The following STK39 variants were observed in gnomAD, a reference collection of about 807,000 sequenced individuals.
STK39 encodes the protein STE20/SPS1-related proline-alanine-rich protein kinase.
Under a neutral mutation model 77.8 loss-of-function variants are expected in STK39, and 20 were observed. That is an observed-to-expected ratio of 0.26 (90% CI 0.18 to 0.37). The LOEUF (loss-of-function observed/expected upper bound fraction) is 0.37, where lower values mean the gene tolerates loss of function less well. STK39 is among the 10% of genes least tolerant of loss of function. STK39 has a pLI of 1.00. For missense variants in STK39, 479 were observed against 656.5 expected (o/e 0.73, Z 2.95); for synonymous variants, 246 against 234.1 (o/e 1.05, Z -0.47).
intron 14 of STK39, among the ~76,000 whole-genome samples, chr2:168,038,786 A>G (rs539128678): frequency 1.3e-5 from 2 of 152,338 alleles, no homozygotes; most frequent in East Asian, 3.9e-4. Flanking sequence ...TGGCTAAGAA[A>G]CACATGAGAA....
chr2:167,995,400 G>A (rs1159970666), intron 16 of STK39, among the ~76,000 whole-genome samples: 3 of 152,078 alleles, frequency 2.0e-5, no homozygotes, highest in African/African-American at 7.2e-5. Flanking sequence ...GAGCCCCCGC[G>A]CCCAGCCAAA....
chr2:167,981,937 G>A (rs1038088828), intron 16 of STK39, among the ~76,000 whole-genome samples: 1 of 152,152 alleles, frequency 6.6e-6, no homozygotes, highest in African/African-American at 2.4e-5. Context: ...GCAGCTAACT[G>A]TTTCTAGTTA....
intron 10 of STK39, among the ~76,000 whole-genome samples, chr2:168,095,133 G>A (rs780321499): frequency 1.8e-4 from 27 of 152,008 alleles, no homozygotes; most frequent in Non-Finnish European, 3.2e-4. Context: ...CCTTCAAACT[G>A]TCCTCTACTG....
rs781033083 is a variant in STK39 at position 168,138,259 on chromosome 2, T to C, written c.841-38A>G. On this transcript the variant is annotated intron_variant, in intron 7 of 17. Transcript: ENST00000355999. ...CAAACATGAAGACAGAATCTCAGTA[T>C]AGCAATTGCTACAATCTAGTTTTGA... The C allele has an allele frequency of 1.2e-5, 19 of 1,585,232 alleles. No individual in the cohort carries two copies. The East Asian group carries it at 2.3e-4, about 19-fold the overall frequency.
rs144567617 is a variant in STK39, at chr2:168,035,333, A to G, written c.1377-18238T>C. Among the ~76,000 whole-genome samples, 308 of 152,348 alleles carry G rather than the reference A, an allele frequency of 2.0e-3. 1 individual carries two copies. The highest frequency in any genetic ancestry group is 6.8e-3 in the African/African-American group (284 of 41,584). ...ATTTTAGAATAATAATTAAAAACAA[A>G]TATATAGCTACTACTTCAATTCTAA... On this transcript the variant is annotated intron_variant, in intron 14 of 17. Transcript: ENST00000355999.
chr2:168,110,438 A>C (rs1054882914), intron 10 of STK39, among the ~76,000 whole-genome samples: 4 of 151,970 alleles, frequency 2.6e-5, no homozygotes, highest in East Asian at 3.9e-4. Flanking sequence ...CGGTCTCGCT[A>C]TGTTGCCCAG....
intron 10 of STK39, among the ~76,000 whole-genome samples, chr2:168,110,312 A>C (rs1468438118): frequency 6.6e-6 from 1 of 152,194 alleles, no homozygotes; most frequent in Non-Finnish European, 1.5e-5. Flanking sequence ...ATCTTACTGT[A>C]ACCTAAAACT....
chr2:168,011,869 G>C (rs902139688), intron 16 of STK39, among the ~76,000 whole-genome samples: 1 of 152,086 alleles, frequency 6.6e-6, no homozygotes, highest in Non-Finnish European at 1.5e-5. Context: ...TGAAAGAACC[G>C]GCCTGAATGA....
At chr2:167,969,976 T>G (rs1303365780) in intron 16 of STK39, among the ~76,000 whole-genome samples, 1 of 152,176 alleles carries the variant, frequency 6.6e-6, no homozygotes, top group Non-Finnish European at 1.5e-5. Context: ...CTGCTCCTGC[T>G]CCAGCCACAC....
intron 1 of STK39, among the ~76,000 whole-genome samples, chr2:168,196,224 T>C (rs1374786520): frequency 2.0e-5 from 3 of 152,258 alleles, no homozygotes; most frequent in Non-Finnish European, 4.4e-5. Context: ...ATGAAGAATA[T>C]GTACTTGTTT....
chr2:168,014,636 C>T (rs1015315101), intron 15 of STK39, among the ~76,000 whole-genome samples: 2 of 152,084 alleles, frequency 1.3e-5, no homozygotes, highest in African/African-American at 2.4e-5. Flanking sequence ...TGGCATCTTC[C>T]TGGATGTTAC....
intron 10 of STK39, among the ~76,000 whole-genome samples, chr2:168,102,207 G>A (rs556667873): frequency 6.6e-6 from 1 of 151,416 alleles, no homozygotes; most frequent in East Asian, 1.9e-4. Context: ...TGGGCCATAT[G>A]CTAACCTTCT....
chr2:167,981,819 C>A (rs1199351982), intron 16 of STK39, among the ~76,000 whole-genome samples: 1 of 152,176 alleles, frequency 6.6e-6, no homozygotes, highest in Admixed American at 6.5e-5. Context: ...TCCTCTACCC[C>A]TCCCACAGCC....
intron 10 of STK39, among the ~76,000 whole-genome samples, chr2:168,078,212 T>C (rs535643500): frequency 1.8e-4 from 28 of 152,348 alleles, no homozygotes; most frequent in African/African-American, 6.0e-4. Context: ...GAAAATGTTT[T>C]ATATTTTCTT....
intron 2 of STK39, among the ~76,000 whole-genome samples, chr2:168,168,695 T>C (rs1022497320): frequency 2.0e-5 from 3 of 152,230 alleles, no homozygotes; most frequent in African/African-American, 4.8e-5. Context: ...TATATGTTTA[T>C]TTAAAGTGCT....
intron 16 of STK39, among the ~76,000 whole-genome samples, chr2:167,965,171 TCAGCA>T (rs1335146983): frequency 1.3e-5 from 2 of 151,388 alleles, no homozygotes; most frequent in Admixed American, 1.3e-4. Flanking sequence ...AAATAGAAGG[TCAGCA>T]CATTTGAACC....
Position 168,141,149 on chromosome 2 carries a change from T to C in STK39, c.629-391A>G, listed in dbSNP as rs1369798491. Among the ~76,000 whole-genome samples the C allele has an allele frequency of 5.9e-5, 9 of 152,226 alleles. No homozygotes were observed. In the East Asian group the frequency reaches 1.2e-3, roughly 20 times the overall value. ...TTTTCATAAGTACAGAGGCAATGGA[T>C]TGTACAAGTAAATAATATTTTTCTT... is the stretch of plus-strand genomic sequence containing the variant. On this transcript the variant is annotated intron_variant, in intron 5 of 17. Coordinates refer to ENST00000355999, the MANE Select transcript of STK39 (RefSeq NM_013233.3).
At chr2:168,053,390 A>AT (rs531484438) in intron 14 of STK39, among the ~76,000 whole-genome samples, 202 of 152,310 alleles carry the variant, frequency 1.3e-3, no homozygotes, top group African/African-American at 4.7e-3. Flanking sequence ...CATTTAAAAA[A>AT]TTAAAAATCT....
chr2:168,132,833 T>C (rs3769412), intron 8 of STK39, among the ~76,000 whole-genome samples: 63,085 of 151,854 alleles, frequency 0.42, 13,402 homozygotes, highest in South Asian at 0.53. Context: ...CCTTTGTATG[T>C]TTCCAATACC....
Sources: gnomAD v4.1 joint callset for allele counts (sites outside exome capture counted in the v4.1 genomes callset) on GRCh38, gnomAD v4.1.1 for gene constraint, MANE v1.5 for transcripts, NCBI Gene and HGNC (gene_info 2026-07-23, HGNC 2026-07-21) for gene names.